The following ALKBH3 variants were observed in gnomAD, a reference collection of about 807,000 sequenced individuals.
ALKBH3 encodes the protein alkB homolog 3, alpha-ketoglutarate dependent dioxygenase.
A neutral mutation model predicts 43.9 loss-of-function variants in ALKBH3; 51 were observed. The observed-to-expected ratio is 1.16, with a 90% CI of 0.93 to 1.47. The LOEUF is 1.47. Ranked by LOEUF, ALKBH3 falls within the 40% of genes most tolerant of loss-of-function variation. The pLI is 0.00. For missense variants in ALKBH3, 361 were observed against 351.9 expected (o/e 1.03, Z -0.21); for synonymous variants, 102 against 115.2 (o/e 0.89, Z 0.73).
At chr11:43,885,095 T>C (rs1378920897) in intron 4 of ALKBH3, among the ~76,000 whole-genome samples, 1 of 152,102 alleles carries the variant, frequency 6.6e-6, no homozygotes, top group Non-Finnish European at 1.5e-5. Context: ...AGTGCCTTCA[T>C]TGGTGAAGGA....
intron 7 of ALKBH3, among the ~76,000 whole-genome samples, chr11:43,893,745 C>A (rs370577302): frequency 6.6e-6 from 1 of 152,100 alleles, no homozygotes; most frequent in South Asian, 2.1e-4. Flanking sequence ...CCAGCCTGGA[C>A]AACATAATGT....
intron 4 of ALKBH3, among the ~76,000 whole-genome samples, chr11:43,885,129 G>T (rs1290139728): frequency 6.6e-6 from 1 of 152,150 alleles, no homozygotes; most frequent in Non-Finnish European, 1.5e-5. Flanking sequence ...CATGAAACAT[G>T]TTGTAAGCTA....
Position 43,920,067 on chromosome 11 carries a change from G to A in ALKBH3, c.*57G>A. On this transcript the variant is annotated 3_prime_UTR_variant, in exon 10 of 10. Transcript: ENST00000302708. ...AACGGAGCAAACCTTCCACTGAGAA[G>A]CCACTTCAAGAGGCTGGTGCTGCTA... The A allele has an allele frequency of 6.7e-7, 1 of 1,491,598 alleles. No homozygotes were observed. Among genetic ancestry groups the A allele is most frequent in the East Asian group, 2.3e-5 (1 of 44,230 alleles). 92.4% of individuals were successfully genotyped at this position (1,491,598 alleles called of 1,614,324 possible).
Position 43,919,937 on chromosome 11 carries a change from A to G in ALKBH3, c.788A>G (p.Tyr263Cys). The G allele has an allele frequency of 6.2e-7, 1 of 1,614,096 alleles. No homozygotes were observed. Among genetic ancestry groups the G allele is most frequent in the Non-Finnish European group, 8.5e-7 (1 of 1,179,942 alleles). ...ADWQHRVPKE[Y>C]HSREPRVNLT... ...ATTTAGCATCGAGTGCCCAAAGAAT[A>G]CCACTCTAGAGAACCGAGAGTGAAC... Residue 263 changes from tyrosine to cysteine, a missense_variant, in exon 10 of 10, where the codon TAC becomes TGC. Transcript: ENST00000302708.
intron 8 of ALKBH3, among the ~76,000 whole-genome samples, chr11:43,918,230 G>A (rs35660563): frequency 0.16 from 24,436 of 152,252 alleles, 2,612 homozygotes; most frequent in Non-Finnish European, 0.24. Context: ...GTTTTCAGCT[G>A]TGGAGGAGCC....
In ALKBH3 at chr11:43,884,005, C is replaced by T. The variant is rs1003525052; in HGVS notation, c.206C>T (p.Pro69Leu). The change falls in exon 4 of 10, where the codon CCA becomes CTA. Residue 69 changes from proline (P) to leucine (L), a missense_variant. Pro to Leu is a moderately conservative substitution (Grantham distance 98). Transcript: ENST00000302708. The stretch of plus-strand genomic sequence containing the variant: ...CAGGTAGTACGTAGAGCTCCTGAGC[C>T]ACGAGTGATTGAGTAAGTAATTTGC... ...PQQVVRRAPEPRVIDREGVYE... is the reference protein window; with the variant it reads ...PQQVVRRAPELRVIDREGVYE... 6.2e-7 allele frequency: 1 copy of T among 1,613,906 alleles called. No individual in the cohort carries two copies.
intron 8 of ALKBH3, among the ~76,000 whole-genome samples, chr11:43,916,299 G>C (rs1219553347): frequency 6.6e-6 from 1 of 152,220 alleles, no homozygotes; most frequent in Non-Finnish European, 1.5e-5. Context: ...GGTAAGAGTT[G>C]TGAGAAGCTT....
chr11:43,898,544 A>C (rs1434433155), intron 7 of ALKBH3: 11 of 778,240 alleles, frequency 1.4e-5, no homozygotes, highest in Non-Finnish European at 2.6e-5. Flanking sequence ...TCCATAAATG[A>C]AGAAGAGCTA....
intron 8 of ALKBH3, chr11:43,916,886 G>A (rs867710474): frequency 6.6e-6 from 1 of 152,222 alleles, no homozygotes; most frequent in Admixed American, 6.5e-5. Context: ...TGTTGCATTA[G>A]TAGGATCCCT....
chr11:43,918,868 G>A, intron 8 of ALKBH3, 170 bp from the exon 9 acceptor site: 1 of 594,614 alleles, frequency 1.7e-6, no homozygotes, highest in Non-Finnish European at 3.0e-6. Context: ...AGGGTACAGA[G>A]AGATGAGGTA....
chr11:43,883,221 A>C, intron 3 of ALKBH3, 33 bp downstream of exon 3: 1 of 1,551,196 alleles, frequency 6.4e-7, no homozygotes, highest in South Asian at 1.2e-5. Flanking sequence ...AATAGTGATA[A>C]AAATTTGCTT....
rs1023708869 is a variant in ALKBH3, at chr11:43,898,388, C to T, written c.460-3128C>T. 8.6e-6 allele frequency: 6 copies of T among 700,370 alleles called. No individual in the cohort carries two copies. In the African/African-American group the frequency reaches 8.8e-5, roughly 10 times the overall value. 43.4% of individuals were successfully genotyped at this position (700,370 alleles called of 1,614,324 possible). A position where few individuals can be genotyped will look rare whatever the true frequency, so the allele number is the denominator to read the frequency against. On this transcript the variant is annotated intron_variant, in intron 7 of 9. Transcript: ENST00000302708. ...TACATTCTTGCTACCTGGGCCGTTC[C>T]ACAGGTCCTTCAGAATTACTACACG...
intron 6 of ALKBH3, among the ~76,000 whole-genome samples, chr11:43,890,199 T>G (rs1220248027): frequency 6.6e-6 from 1 of 152,234 alleles, no homozygotes; most frequent in African/African-American, 2.4e-5. Context: ...TTTCTTTTTT[T>G]CTTATCCTAT....
At chr11:43,882,459 A>C in intron 1 of ALKBH3, 124 bp from the exon 2 acceptor site, 1 of 477,932 alleles carries the variant, frequency 2.1e-6, no homozygotes. Context: ...GTGATGACAT[A>C]AACTGATTTT....
At chr11:43,902,558 C>T (rs1004400294) in intron 8 of ALKBH3, among the ~76,000 whole-genome samples, 2 of 152,138 alleles carry the variant, frequency 1.3e-5, no homozygotes, top group African/African-American at 4.8e-5. Context: ...TTAAACCAGA[C>T]CCAGTCGGTG....
At chr11:43,919,217 G>A in intron 9 of ALKBH3, 81 bp downstream of exon 9, 1 of 1,231,972 alleles carries the variant, frequency 8.1e-7, no homozygotes, top group Non-Finnish European at 1.2e-6. Context: ...AAGTAGACAT[G>A]GTGAAAAGCA....
intron 8 of ALKBH3, chr11:43,912,224 G>A (rs1951945201): frequency 6.6e-6 from 1 of 152,202 alleles, no homozygotes; most frequent in African/African-American, 2.4e-5. Context: ...ATCTTAATTT[G>A]CTTCTGTTGG....
At chr11:43,892,186 T>G in intron 7 of ALKBH3, 57 bp downstream of exon 7, 1 of 1,418,068 alleles carries the variant, frequency 7.1e-7, no homozygotes, top group African/African-American at 1.4e-5. Flanking sequence ...ATGTGTTGAG[T>G]GCTATAAAAT....
rs1342463816 is a variant in ALKBH3 at position 43,892,057 on chromosome 11, A to G, written c.387A>G (p.Gln129=). 1 of 1,613,308 alleles carries G rather than the reference A, an allele frequency of 6.2e-7. No homozygotes were observed. Among genetic ancestry groups the G allele is most frequent in the Non-Finnish European group, 8.5e-7 (1 of 1,179,264 alleles). Residue 129 remains glutamine, a synonymous_variant, in exon 7 of 10, where the codon CAA becomes CAG. Coordinates refer to ENST00000302708, the MANE Select transcript of ALKBH3 (RefSeq NM_139178.4). ...CTTTCTTAGATATAACTTATCAGCA[A>G]CCAAGACTTACAGCATGGTATGGAG... ...TGIREDITYQ[Q]PRLTAWYGEL...
Sources: gnomAD v4.1 joint callset for allele counts (sites outside exome capture counted in the v4.1 genomes callset) on GRCh38, gnomAD v4.1.1 for gene constraint, MANE v1.5 for transcripts, NCBI Gene and HGNC (gene_info 2026-07-23, HGNC 2026-07-21) for gene names.